The following CDH18 variants were observed in gnomAD, a reference collection of about 807,000 sequenced individuals.
The protein encoded by CDH18 is cadherin 18.
CDH18 carries 31 observed loss-of-function variants against 67.9 expected under a neutral mutation model. The ratio of observed to expected loss-of-function variants is 0.46; its 90% CI spans 0.34 to 0.62. The LOEUF (loss-of-function observed/expected upper bound fraction) is 0.62. Ranked by LOEUF, CDH18 falls within the 20% of genes least tolerant of loss-of-function variation. The pLI is 0.01. For missense variants in CDH18, 890 were observed against 975.5 expected (o/e 0.91, Z 1.17); for synonymous variants, 362 against 347.2 (o/e 1.04, Z -0.48).
intron 1 of CDH18, among the ~76,000 whole-genome samples, chr5:20,560,945 A>G (rs1238111373): frequency 1.3e-5 from 2 of 152,156 alleles, no homozygotes; most frequent in Non-Finnish European, 2.9e-5. Context: ...ACTAAAAAAA[A>G]TCAGCAAAAG....
intron 1 of CDH18, among the ~76,000 whole-genome samples, chr5:20,455,932 G>C (rs1750806020): frequency 6.6e-6 from 1 of 152,008 alleles, no homozygotes; most frequent in African/African-American, 2.4e-5. Context: ...TAAAAGATGA[G>C]TAATTTACTC....
chr5:19,481,981 G>C (rs1739500780), intron 12 of CDH18, among the ~76,000 whole-genome samples: 1 of 152,066 alleles, frequency 6.6e-6, no homozygotes, highest in Non-Finnish European at 1.5e-5. Flanking sequence ...GCATTCTAAA[G>C]AGTTTATAGT....
chr5:20,432,552 C>T (rs1748829082), intron 1 of CDH18, among the ~76,000 whole-genome samples: 1 of 151,998 alleles, frequency 6.6e-6, no homozygotes, highest in Non-Finnish European at 1.5e-5. Flanking sequence ...GAAATTACTT[C>T]CAAAAGTAAT....
At chr5:19,704,581 T>C (rs892139967) in intron 5 of CDH18, among the ~76,000 whole-genome samples, 1 of 152,054 alleles carries the variant, frequency 6.6e-6, no homozygotes, top group Non-Finnish European at 1.5e-5. Flanking sequence ...AAAGACAAAG[T>C]TCCCGCCAAA....
intron 2 of CDH18, among the ~76,000 whole-genome samples, chr5:20,142,302 A>C (rs2126529486): frequency 6.6e-6 from 1 of 152,256 alleles, no homozygotes; most frequent in South Asian, 2.1e-4. Flanking sequence ...AATCCAGCCC[A>C]GTTGTGGTGG....
intron 2 of CDH18, among the ~76,000 whole-genome samples, chr5:20,099,937 C>T (rs765201897): frequency 6.6e-6 from 1 of 152,170 alleles, no homozygotes; most frequent in East Asian, 1.9e-4. Context: ...CCGCACACCA[C>T]CACGCCCAGC....
intron 2 of CDH18, among the ~76,000 whole-genome samples, chr5:20,122,053 T>C (rs1035859042): frequency 3.3e-5 from 5 of 152,156 alleles, no homozygotes; most frequent in African/African-American, 1.2e-4. Context: ...ATGAAGTATG[T>C]AGAGAAATAA....
intron 2 of CDH18, among the ~76,000 whole-genome samples, chr5:20,167,126 ATGAT>A (rs1371557616): frequency 6.6e-6 from 1 of 152,142 alleles, no homozygotes; most frequent in Non-Finnish European, 1.5e-5. Context: ...TCCATATTAT[ATGAT>A]TATCAAAAAT....
rs146152021 is a variant in CDH18 at position 19,944,223 on chromosome 5, T to C, written c.-257+36837A>G. ...AACATTTGCTATCAATTTTGTTTTG[T>C]TTTTACCTGAAGTTTTAACTGTCTT... is the stretch of plus-strand genomic sequence containing the variant. On this transcript the variant is annotated intron_variant, in intron 2 of 12. Transcript: ENST00000382275. Among the ~76,000 whole-genome samples, 126 of 152,252 alleles carry C rather than the reference T, an allele frequency of 8.3e-4. No individual in the cohort carries two copies. The East Asian group carries it at 0.021, about 25-fold the overall frequency.
chr5:20,040,131 A>T (rs540490623), intron 2 of CDH18, among the ~76,000 whole-genome samples: 124 of 152,298 alleles, frequency 8.1e-4, no homozygotes, highest in African/African-American at 2.9e-3. Flanking sequence ...AGAGAAATGT[A>T]AATCAAATCC....
intron 1 of CDH18, among the ~76,000 whole-genome samples, chr5:20,458,203 G>T (rs1016257323): frequency 1.3e-5 from 2 of 152,070 alleles, no homozygotes; most frequent in Non-Finnish European, 2.9e-5. Flanking sequence ...CTGCAGCCTC[G>T]ATCTCCTGGG....
At chr5:19,488,444 T>G (rs1740754192) in intron 11 of CDH18, among the ~76,000 whole-genome samples, 1 of 152,168 alleles carries the variant, frequency 6.6e-6, no homozygotes, top group Non-Finnish European at 1.5e-5. Context: ...AATCCTCAGA[T>G]GTGGATCTCT....
At chr5:20,563,033 T>G (rs1045741803) in intron 1 of CDH18, among the ~76,000 whole-genome samples, 1 of 151,544 alleles carries the variant, frequency 6.6e-6, no homozygotes, top group Non-Finnish European at 1.5e-5. Flanking sequence ...ATCTAGATCA[T>G]TTTTTTCCAT....
intron 2 of CDH18, among the ~76,000 whole-genome samples, chr5:20,100,783 T>C (rs1237453707): frequency 2.0e-5 from 3 of 152,152 alleles, no homozygotes; most frequent in Non-Finnish European, 2.9e-5. Flanking sequence ...AATAAGAGAA[T>C]ATCCCCACTA....
chr5:19,894,185 G>C (rs542193616), intron 2 of CDH18, among the ~76,000 whole-genome samples: 2 of 151,778 alleles, frequency 1.3e-5, no homozygotes, highest in Admixed American at 1.3e-4. Context: ...TTTAAAATTG[G>C]ATCTATTTTA....
At chr5:19,945,163 C>G (rs1009448477) in intron 2 of CDH18, among the ~76,000 whole-genome samples, 1 of 152,058 alleles carries the variant, frequency 6.6e-6, no homozygotes, top group African/African-American at 2.4e-5. Context: ...CAGTCCTCTA[C>G]CAGTGAAAGA....
chr5:20,098,902 T>C (rs1010361977), intron 2 of CDH18, among the ~76,000 whole-genome samples: 9 of 152,290 alleles, frequency 5.9e-5, no homozygotes, highest in Admixed American at 2.6e-4. Context: ...GTCAGCATTA[T>C]TTTAATCTTT....
chr5:20,023,658 CAAA>C (rs58583654), intron 2 of CDH18, among the ~76,000 whole-genome samples: 37 of 83,992 alleles, frequency 4.4e-4, no homozygotes, highest in African/African-American at 1.0e-3. Flanking sequence ...GACTCCGTCT[CAAA>C]AAAAAAAAAA....
chr5:19,855,856 A>C (rs540701309), intron 2 of CDH18, among the ~76,000 whole-genome samples: 1 of 152,314 alleles, frequency 6.6e-6, no homozygotes, highest in Admixed American at 6.5e-5. Context: ...ACAAAGGGAA[A>C]AAGACTATCT....
Sources: allele counts gnomAD v4.1 joint callset (sites outside exome capture counted in the v4.1 genomes callset), GRCh38; gene constraint gnomAD v4.1.1; transcripts MANE v1.5; gene names NCBI Gene and HGNC (gene_info 2026-07-23, HGNC 2026-07-21).